Variants in R3HDM2 observed in about 807,000 individuals in gnomAD.
R3HDM2 encodes the protein R3H domain-containing protein 2.
R3HDM2 carries 38 observed loss-of-function variants against 124.5 expected under a neutral mutation model. The observed-to-expected ratio is 0.31, with a 90% CI of 0.24 to 0.40. The LOEUF is 0.40. R3HDM2 is among the 10% of genes least tolerant of loss of function. The pLI is 1.00. For missense variants in R3HDM2, 869 were observed against 1,236.9 expected (o/e 0.70, Z 4.46); for synonymous variants, 391 against 448.0 (o/e 0.87, Z 1.61).
At chr12:57,322,501 T>A (rs2056613408) in intron 2 of R3HDM2, among the ~76,000 whole-genome samples, 1 of 152,160 alleles carries the variant, frequency 6.6e-6, no homozygotes, top group African/African-American at 2.4e-5. Context: ...GCCTGGTGCT[T>A]TATGTACTTC....
intron 2 of R3HDM2, among the ~76,000 whole-genome samples, chr12:57,352,492 C>CTTTT (rs759397684): frequency 8.0e-6 from 1 of 125,036 alleles, no homozygotes; most frequent in African/African-American, 2.9e-5. Flanking sequence ...TAGGCAAACG[C>CTTTT]TTTTTTTTTT....
At chr12:57,272,433 AG>A (rs1177632270) in intron 14 of R3HDM2, 59 of 1,529,306 alleles carry the variant, frequency 3.9e-5, no homozygotes, top group Non-Finnish European at 5.1e-5. Flanking sequence ...CAAGACAAAA[AG>A]GGGGAATGGA....
chr12:57,377,104 A>AAATAAATAAAT (rs1395609324), intron 2 of R3HDM2, among the ~76,000 whole-genome samples: 4 of 130,522 alleles, frequency 3.1e-5, no homozygotes, highest in African/African-American at 5.3e-5. Flanking sequence ...ATAAATAAAT[A>AAATAAATAAAT]AAAGAGACTT....
chr12:57,266,445 G>T (rs1175730489), intron 19 of R3HDM2, among the ~76,000 whole-genome samples: 1 of 152,068 alleles, frequency 6.6e-6, no homozygotes, highest in South Asian at 2.1e-4. Context: ...TGTTGCCCAG[G>T]CTGGTCTCAA....
intron 2 of R3HDM2, among the ~76,000 whole-genome samples, chr12:57,319,459 A>G (rs2055919547): frequency 1.3e-5 from 2 of 152,012 alleles, no homozygotes; most frequent in Admixed American, 1.3e-4. Context: ...CCAGAAAGAA[A>G]CCATTTCTTT....
chr12:57,332,897 T>C (rs2058383432), intron 2 of R3HDM2, among the ~76,000 whole-genome samples: 1 of 152,224 alleles, frequency 6.6e-6, no homozygotes, highest in Non-Finnish European at 1.5e-5. Flanking sequence ...AATAAACTCA[T>C]GGGCCTTTGG....
chr12:57,391,836 C>A, intron 2 of R3HDM2, among the ~76,000 whole-genome samples: 1 of 152,190 alleles, frequency 6.6e-6, no homozygotes, highest in East Asian at 1.9e-4. Flanking sequence ...AAAGTTATTA[C>A]CACTATATTC....
At chr12:57,335,334 A>T (rs2058711330) in intron 2 of R3HDM2, among the ~76,000 whole-genome samples, 1 of 151,434 alleles carries the variant, frequency 6.6e-6, no homozygotes, top group Admixed American at 6.6e-5. Flanking sequence ...TAGCCTCCCA[A>T]GTAGCTGGGA....
At chr12:57,373,767 C>T (rs538442092) in intron 2 of R3HDM2, among the ~76,000 whole-genome samples, 18 of 151,692 alleles carry the variant, frequency 1.2e-4, no homozygotes, top group Middle Eastern at 3.4e-3. Context: ...GAGCTGAGAT[C>T]GCACCATTGC....
chr12:57,358,728 A>G (rs1408937899), intron 2 of R3HDM2, among the ~76,000 whole-genome samples: 1 of 152,098 alleles, frequency 6.6e-6, no homozygotes, highest in African/African-American at 2.4e-5. Context: ...TTCTATGAAT[A>G]CCAGTAAAGA....
At chr12:57,421,426 A>T (rs1457797997) in intron 1 of R3HDM2, among the ~76,000 whole-genome samples, 3 of 146,150 alleles carry the variant, frequency 2.1e-5, no homozygotes, top group African/African-American at 7.6e-5. Context: ...CTGGGATTAC[A>T]GGCGTAAGCG....
At chr12:57,335,979 GC>G (rs770378799) in intron 2 of R3HDM2, among the ~76,000 whole-genome samples, 4 of 151,496 alleles carry the variant, frequency 2.6e-5, no homozygotes, top group Non-Finnish European at 4.4e-5. Flanking sequence ...CAGACAACAA[GC>G]ATATGGAAAA....
At chr12:57,261,815 T>C (rs1427845013) in intron 19 of R3HDM2, among the ~76,000 whole-genome samples, 1 of 133,864 alleles carries the variant, frequency 7.5e-6, no homozygotes, top group Non-Finnish European at 1.6e-5. Context: ...TATAATCAGG[T>C]TGGGGGAAGG....
intron 2 of R3HDM2, among the ~76,000 whole-genome samples, chr12:57,370,002 A>G (rs1021433719): frequency 1.3e-5 from 2 of 152,248 alleles, no homozygotes; most frequent in South Asian, 2.1e-4. Context: ...TAAATCATAG[A>G]AAGTTTCCTA....
At chr12:57,421,040 A>G (rs2070137232) in intron 1 of R3HDM2, among the ~76,000 whole-genome samples, 1 of 151,920 alleles carries the variant, frequency 6.6e-6, no homozygotes, top group South Asian at 2.1e-4. Context: ...CCACCTTAGC[A>G]TGGAACCCAG....
At chr12:57,409,505 G>A (rs1300253761) in intron 1 of R3HDM2, among the ~76,000 whole-genome samples, 1 of 142,578 alleles carries the variant, frequency 7.0e-6, no homozygotes, top group Non-Finnish European at 1.5e-5. Context: ...AGAGCTGAGA[G>A]GTGGGGCAAA....
chr12:57,279,051 T>C (rs2045519487), intron 14 of R3HDM2, among the ~76,000 whole-genome samples: 1 of 152,028 alleles, frequency 6.6e-6, no homozygotes, highest in Non-Finnish European at 1.5e-5. Context: ...TGCAGACACA[T>C]GGGCTTTCCA....
chr12:57,304,396 G>A (rs2052070517), intron 3 of R3HDM2: 2 of 596,038 alleles, frequency 3.4e-6, no homozygotes, highest in African/African-American at 4.1e-5. Flanking sequence ...GAGATGTTTG[G>A]AATGGAACTC....
chr12:57,387,716 G>A (rs1333349573), intron 2 of R3HDM2, among the ~76,000 whole-genome samples: 2 of 152,092 alleles, frequency 1.3e-5, no homozygotes, highest in Non-Finnish European at 2.9e-5. Context: ...GAATACTGAA[G>A]AAGAAACCAG....
Sources: allele counts gnomAD v4.1 joint callset (sites outside exome capture counted in the v4.1 genomes callset), GRCh38; gene constraint gnomAD v4.1.1; transcripts MANE v1.5; gene names NCBI Gene and HGNC (gene_info 2026-07-23, HGNC 2026-07-21).